UNC79: variants seen among roughly 807,000 people sequenced by gnomAD.
The protein encoded by UNC79 is unc-79 subunit of NALCN channel complex, also known as protein unc-79 homolog.
In UNC79, 37 loss-of-function variants were observed where a neutral mutation model predicts 283.1. The observed-to-expected ratio is 0.13, with a 90% CI of 0.10 to 0.17. The LOEUF (loss-of-function observed/expected upper bound fraction) is 0.17, where lower values mean the gene tolerates loss of function less well. UNC79 is among the 10% of genes least tolerant of loss of function. UNC79 has a pLI of 1.00. For missense variants in UNC79, 2,272 were observed against 3,211.1 expected (o/e 0.71, Z 7.07); for synonymous variants, 1,107 against 1,200.2 (o/e 0.92, Z 1.61).
chr14:93,389,878 C>A lies in UNC79; in HGVS notation c.-351+56355C>A, dbSNP rs565705207. ...ATGTTGGCCAGGCTGGTCTTGAATT[C>A]CTGACCTCAGGTGATCTGCCCGCCT... On this transcript the variant is annotated intron_variant, in intron 1 of 49. Coordinates refer to the UNC79 transcript ENST00000256339. 1.4e-3 allele frequency among the ~76,000 whole-genome samples: 215 copies of A among 152,272 alleles called. No individual in the cohort carries two copies. In the Middle Eastern group the frequency reaches 0.017, roughly 12 times the overall value.
chr14:93,449,933 G>A (rs148375796), intron 1 of UNC79, among the ~76,000 whole-genome samples: 4 of 152,274 alleles, frequency 2.6e-5, no homozygotes, highest in African/African-American at 4.8e-5. Context: ...ATGGGTGTAC[G>A]TTATTATTAC....
chr14:93,555,491 C>T (rs1251578765), intron 14 of UNC79, among the ~76,000 whole-genome samples: 1 of 152,178 alleles, frequency 6.6e-6, no homozygotes, highest in African/African-American at 2.4e-5. Flanking sequence ...GCAACCTCTG[C>T]TTCCTGGGTT....
chr14:93,360,611 G>A (rs964943213), intron 1 of UNC79, among the ~76,000 whole-genome samples: 2 of 152,096 alleles, frequency 1.3e-5, no homozygotes, highest in Non-Finnish European at 2.9e-5. Flanking sequence ...CTACCTCAGG[G>A]GTATATCAAC....
At chr14:93,564,524 G>T (rs111701151) in intron 14 of UNC79, among the ~76,000 whole-genome samples, 1 of 152,270 alleles carries the variant, frequency 6.6e-6, no homozygotes, top group Non-Finnish European at 1.5e-5. Flanking sequence ...GGAGGACAGG[G>T]GATTGATCTC....
At chr14:93,514,312 C>A (rs116577973) in intron 7 of UNC79, among the ~76,000 whole-genome samples, 20 of 152,226 alleles carry the variant, frequency 1.3e-4, no homozygotes, top group African/African-American at 4.3e-4. Flanking sequence ...TATGAACAAC[C>A]CTATGTCTAC....
intron 7 of UNC79, among the ~76,000 whole-genome samples, chr14:93,520,834 A>G (rs771898210): frequency 1.3e-5 from 2 of 151,948 alleles, no homozygotes; most frequent in Non-Finnish European, 2.9e-5. Flanking sequence ...GTTTATGATA[A>G]CTATTTTAAA....
chr14:93,496,334 T>G, intron 5 of UNC79, 77 bp from the exon 6 acceptor site: 1 of 947,378 alleles, frequency 1.1e-6, no homozygotes, highest in South Asian at 2.0e-5. Flanking sequence ...TTGAAGTAAT[T>G]TCTTATATAT....
At chr14:93,385,081 A>G (rs565928987) in intron 1 of UNC79, among the ~76,000 whole-genome samples, 5 of 152,340 alleles carry the variant, frequency 3.3e-5, no homozygotes, top group Non-Finnish European at 7.4e-5. Flanking sequence ...TTTGGTTACT[A>G]TAGCTCTGTA....
At chr14:93,505,555 G>A (rs1426757524) in intron 7 of UNC79, among the ~76,000 whole-genome samples, 2 of 151,876 alleles carry the variant, frequency 1.3e-5, no homozygotes, top group Non-Finnish European at 2.9e-5. Context: ...TATATTTTAT[G>A]TGTGTCTTGT....
intron 1 of UNC79, among the ~76,000 whole-genome samples, chr14:93,403,940 G>A (rs543026581): frequency 6.7e-6 from 1 of 150,060 alleles, no homozygotes; most frequent in South Asian, 2.1e-4. Context: ...CTAACAGTGT[G>A]GGCAAAAAAC....
In UNC79 at chr14:93,603,205, GA is replaced by G. The variant is rs1246086084; in HGVS notation, c.3575-33del. On this transcript the variant is annotated intron_variant, in intron 25 of 48. Coordinates refer to ENST00000555664, the Ensembl canonical transcript of UNC79. ...GTGGATTACAAAGCCCTGTGTAAAG[GA>G]GAGTGATAGTCTCTTTAATTCCTTT... 3 of 1,609,458 alleles carry G rather than the reference GA, an allele frequency of 1.9e-6. No individual in the cohort carries two copies. The South Asian group carries it at 3.3e-5, about 18-fold the overall frequency.
At chr14:93,333,464 T>C (rs971395725) in exon 1 of UNC79, 2 of 398,524 alleles carry the variant, frequency 5.0e-6, no homozygotes, top group African/African-American at 4.1e-5. Flanking sequence ...CCGCGGAAAG[T>C]CATTGCTGAC....
chr14:93,394,896 A>G (rs1298872262), intron 1 of UNC79, among the ~76,000 whole-genome samples: 1 of 151,950 alleles, frequency 6.6e-6, no homozygotes, highest in African/African-American at 2.4e-5. Context: ...TTTTTTTTGT[A>G]GAGATAAGGT....
At chr14:93,457,243 A>G (rs995159927) in intron 1 of UNC79, among the ~76,000 whole-genome samples, 5 of 152,236 alleles carry the variant, frequency 3.3e-5, no homozygotes, top group Non-Finnish European at 2.9e-5. Flanking sequence ...CTAAAATTAA[A>G]GAGACTTTTT....
chr14:93,669,971 G>T (rs1254777911), intron 40 of UNC79, among the ~76,000 whole-genome samples: 1 of 152,162 alleles, frequency 6.6e-6, no homozygotes, highest in Non-Finnish European at 1.5e-5. Flanking sequence ...AGGAAGAAAA[G>T]ACAGTGGAGA....
chr14:93,603,115 A>T (rs982846548), intron 25 of UNC79, 124 bp from the exon 26 acceptor site: 5 of 1,119,254 alleles, frequency 4.5e-6, no homozygotes, highest in Admixed American at 2.4e-5. Context: ...ATAGAGGGAG[A>T]TGTATATCCA....
chr14:93,604,905 T>C (rs2065775522), intron 26 of UNC79: 1 of 1,582,982 alleles, frequency 6.3e-7, no homozygotes, highest in African/African-American at 1.3e-5. Flanking sequence ...GCTATGAGGT[T>C]GACCAGGCAT....
intron 7 of UNC79, among the ~76,000 whole-genome samples, chr14:93,503,742 GT>G (rs1220886020): frequency 6.6e-6 from 1 of 151,464 alleles, no homozygotes; most frequent in Non-Finnish European, 1.5e-5. Context: ...CAAATATCTT[GT>G]TTTTTTATTT....
At chr14:93,472,336 G>T (rs1002680835) in intron 2 of UNC79, among the ~76,000 whole-genome samples, 6 of 152,028 alleles carry the variant, frequency 3.9e-5, no homozygotes, top group Non-Finnish European at 8.8e-5. Context: ...TATAAAGTCT[G>T]ATGAAAAATC....
Sources: allele counts gnomAD v4.1 joint callset (sites outside exome capture counted in the v4.1 genomes callset), GRCh38; gene constraint gnomAD v4.1.1; transcripts MANE v1.5; gene names NCBI Gene and HGNC (gene_info 2026-07-23, HGNC 2026-07-21).